CRTAC1: variants seen among roughly 807,000 people sequenced by gnomAD.
The protein encoded by CRTAC1 is acidic secreted protein in cartilage.
Under a neutral mutation model 67.8 loss-of-function variants are expected in CRTAC1, and 37 were observed. The ratio of observed to expected loss-of-function variants is 0.55; its 90% CI spans 0.42 to 0.72. The LOEUF (loss-of-function observed/expected upper bound fraction) is 0.72. Ranked by LOEUF, CRTAC1 falls within the 30% of genes least tolerant of loss-of-function variation. CRTAC1 has a pLI of 0.00. For synonymous variants in CRTAC1, 348 were observed against 371.0 expected, an observed-to-expected ratio of 0.94 and a Z score of 0.71; for missense variants, 780 against 931.6, an observed-to-expected ratio of 0.84 and a Z score of 2.12.
intron 3 of CRTAC1, among the ~76,000 whole-genome samples, chr10:97,930,632 G>C (rs1382392671): frequency 2.0e-5 from 3 of 152,120 alleles, no homozygotes; most frequent in Non-Finnish European, 4.4e-5. Flanking sequence ...AGAATATCTG[G>C]GTACAGTTGG....
At chr10:97,866,383 T>A (rs1253663959) in intron 14 of CRTAC1, 1 of 151,802 alleles carries the variant, frequency 6.6e-6, no homozygotes, top group Non-Finnish European at 1.5e-5. Context: ...CAGGTGCTGG[T>A]TGGGGGGCAC....
In CRTAC1 at chr10:98,002,761, C is replaced by CTGTTT. The variant is rs771351655; in HGVS notation, c.224+8376_224+8377insAAACA. ...TTTTAGGAATTCTTTACAAAACTCACTTTTTTTTTTTTTTTTTTTTTTTTT... is the reference window on the plus strand; with the variant it reads ...TTTTAGGAATTCTTTACAAAACTCACTGTTTTTTTTTTTTTTTTTTTTTTTTTTTT... On this transcript the variant is annotated intron_variant, in intron 2 of 14. Coordinates refer to ENST00000370597, the MANE Select transcript of CRTAC1 (RefSeq NM_018058.7). Among the ~76,000 whole-genome samples, 33 of 37,296 alleles carry CTGTTT rather than the reference C, an allele frequency of 8.8e-4. 2 individuals carry two copies. Among genetic ancestry groups the CTGTTT allele is most frequent in the Non-Finnish European group, 1.1e-3 (19 of 17,200 alleles). The allele number at this position is 37,296 out of a possible 152,430, so 24.5% of individuals were successfully genotyped here. A position where few individuals can be genotyped will look rare whatever the true frequency, so the allele number is the denominator to read the frequency against.
At chr10:98,013,626 T>C (rs1484062866) in intron 1 of CRTAC1, among the ~76,000 whole-genome samples, 1 of 152,176 alleles carries the variant, frequency 6.6e-6, no homozygotes, top group East Asian at 1.9e-4. Context: ...AAATAAAGGT[T>C]TGGAGTTCTC....
At chr10:97,972,342 G>T (rs1357278044) in intron 2 of CRTAC1, among the ~76,000 whole-genome samples, 1 of 152,164 alleles carries the variant, frequency 6.6e-6, no homozygotes, top group Non-Finnish European at 1.5e-5. Context: ...AAGGGAACAG[G>T]GTGTGGGTCA....
chr10:98,010,228 C>T (rs896372876), intron 2 of CRTAC1, among the ~76,000 whole-genome samples: 3 of 151,918 alleles, frequency 2.0e-5, no homozygotes, highest in African/African-American at 4.8e-5. Flanking sequence ...TTAGTAGAGA[C>T]GGGGTTTCAC....
At chr10:97,950,398 G>A (rs2051336624) in intron 2 of CRTAC1, among the ~76,000 whole-genome samples, 1 of 152,136 alleles carries the variant, frequency 6.6e-6, no homozygotes, top group African/African-American at 2.4e-5. Context: ...CTGCAGAAAT[G>A]CCCCATTAAA....
At chr10:97,966,870 C>A (rs1337278475) in intron 2 of CRTAC1, among the ~76,000 whole-genome samples, 1 of 152,070 alleles carries the variant, frequency 6.6e-6, no homozygotes, top group African/African-American at 2.4e-5. Flanking sequence ...ACCACAGAAG[C>A]ACCGTGCCAT....
intron 11 of CRTAC1, among the ~76,000 whole-genome samples, chr10:97,885,533 C>T (rs1271738113): frequency 6.6e-6 from 1 of 152,218 alleles, no homozygotes; most frequent in East Asian, 1.9e-4. Flanking sequence ...GGAAAGCAGG[C>T]TGAAAAGATT....
intron 2 of CRTAC1, among the ~76,000 whole-genome samples, chr10:97,983,728 A>G (rs920078029): frequency 1.3e-5 from 2 of 152,216 alleles, no homozygotes; most frequent in African/African-American, 4.8e-5. Context: ...TAGAAGACAG[A>G]AGATTCATCT....
intron 2 of CRTAC1, among the ~76,000 whole-genome samples, chr10:97,939,345 T>C (rs573400752): frequency 1.7e-4 from 26 of 152,292 alleles, no homozygotes; most frequent in African/African-American, 5.8e-4. Context: ...GTTGCTAGGC[T>C]GGGTCAAATT....
intron 2 of CRTAC1, among the ~76,000 whole-genome samples, chr10:97,953,073 C>A (rs912060566): frequency 6.6e-6 from 1 of 152,048 alleles, no homozygotes; most frequent in Non-Finnish European, 1.5e-5. Context: ...AGGAAGCCAG[C>A]GATTTTATTT....
intron 5 of CRTAC1, among the ~76,000 whole-genome samples, chr10:97,916,894 C>A (rs1467881869): frequency 2.6e-4 from 39 of 152,134 alleles, no homozygotes; most frequent in Admixed American, 2.5e-3. Flanking sequence ...CTAGAAAGAT[C>A]TCCCTGTCAG....
chr10:97,933,387 G>A (rs770493210), intron 3 of CRTAC1, among the ~76,000 whole-genome samples: 6 of 152,214 alleles, frequency 3.9e-5, no homozygotes, highest in Admixed American at 2.0e-4. Context: ...CCCTTCTGGC[G>A]CCTTCACCGT....
intron 2 of CRTAC1, among the ~76,000 whole-genome samples, chr10:97,969,668 G>C (rs1263638379): frequency 6.6e-6 from 1 of 152,090 alleles, no homozygotes; most frequent in African/African-American, 2.4e-5. Flanking sequence ...ATAGACCATG[G>C]ACGACCCCAC....
intron 2 of CRTAC1, among the ~76,000 whole-genome samples, chr10:98,005,100 A>ATATATTTTTTTTTTTTT: frequency 7.8e-4 from 38 of 48,882 alleles, no homozygotes; most frequent in Non-Finnish European, 1.3e-3. Context: ...ATATATATAT[A>ATATATTTTTTTTTTTTT]TTTTTTTTTT....
At chr10:97,914,996 C>T (rs1277260854) in intron 5 of CRTAC1, among the ~76,000 whole-genome samples, 1 of 152,106 alleles carries the variant, frequency 6.6e-6, no homozygotes, top group Non-Finnish European at 1.5e-5. Flanking sequence ...GAGGAGGCCT[C>T]CCCTCCCCCT....
At chr10:98,010,665 C>A (rs541267073) in intron 2 of CRTAC1, among the ~76,000 whole-genome samples, 54 of 152,296 alleles carry the variant, frequency 3.5e-4, no homozygotes, top group African/African-American at 1.2e-3. Flanking sequence ...ATCTTCCCCC[C>A]TCTTTGAAAC....
chr10:97,941,448 C>A (rs1322353906), intron 2 of CRTAC1, among the ~76,000 whole-genome samples: 1 of 152,098 alleles, frequency 6.6e-6, no homozygotes, highest in African/African-American at 2.4e-5. Context: ...AACCCAAATC[C>A]CCAGTCCCAG....
At chr10:97,903,067 G>A (rs1460421251) in intron 7 of CRTAC1, among the ~76,000 whole-genome samples, 4 of 151,566 alleles carry the variant, frequency 2.6e-5, no homozygotes, top group Non-Finnish European at 5.9e-5. Context: ...AGCACAGTTC[G>A]TGACACATGG....
Sources: allele counts gnomAD v4.1 joint callset (sites outside exome capture counted in the v4.1 genomes callset), GRCh38; gene constraint gnomAD v4.1.1; transcripts MANE v1.5; gene names NCBI Gene and HGNC (gene_info 2026-07-23, HGNC 2026-07-21).